PREX2: variants seen among roughly 807,000 people sequenced by gnomAD.
PREX2 encodes the protein phosphatidylinositol-3,4,5-trisphosphate dependent Rac exchange factor 2.
A neutral mutation model predicts 203.2 loss-of-function variants in PREX2; 107 were observed. The observed-to-expected ratio is 0.53, with a 90% CI of 0.45 to 0.62. PREX2 has a LOEUF of 0.62. PREX2 is among the 20% of genes least tolerant of loss of function. The pLI is 0.00. For missense variants in PREX2, 1,777 were observed against 1,955.9 expected, an observed-to-expected ratio of 0.91 and a Z score of 1.72; for synonymous variants, 672 against 663.6, an observed-to-expected ratio of 1.01 and a Z score of -0.19.
chr8:68,054,862 C>A (rs1394153477), intron 9 of PREX2, among the ~76,000 whole-genome samples: 1 of 152,202 alleles, frequency 6.6e-6, no homozygotes, highest in African/African-American at 2.4e-5. Context: ...CCCAATACAC[C>A]TCCCTGCTTC....
chr8:68,100,071 G>T (rs1421478205), intron 23 of PREX2: 1 of 656,092 alleles, frequency 1.5e-6, no homozygotes, highest in South Asian at 1.4e-5. Flanking sequence ...TCAAAATATA[G>T]TAACTGAGGC....
At chr8:68,111,726 A>G (rs1057299380) in intron 25 of PREX2, among the ~76,000 whole-genome samples, 1 of 152,180 alleles carries the variant, frequency 6.6e-6, no homozygotes, top group African/African-American at 2.4e-5. Flanking sequence ...TTAATGTGCA[A>G]TATAATCCCT....
rs1394364356 is a variant in PREX2 at position 68,039,790 on chromosome 8, GAAA to G, written c.839+1500_839+1502del. 2.0e-5 allele frequency among the ~76,000 whole-genome samples: 3 copies of G among 152,122 alleles called. No homozygotes were observed. In the East Asian group the frequency reaches 5.8e-4, roughly 30 times the overall value. The stretch of plus-strand genomic sequence containing the variant: ...TAGAAAATCTTCCTGCATCTGCATT[GAAA>G]ACTTACAAACATCTCTCCACATCTC... On this transcript the variant is annotated intron_variant, in intron 7 of 39. Coordinates refer to ENST00000288368, the MANE Select transcript of PREX2 (RefSeq NM_024870.4).
At chr8:68,037,274 A>G (rs924457084) in intron 6 of PREX2, among the ~76,000 whole-genome samples, 2 of 152,242 alleles carry the variant, frequency 1.3e-5, no homozygotes, top group African/African-American at 4.8e-5. Flanking sequence ...TGCAGAGCAC[A>G]CATATAGATC....
intron 37 of PREX2, among the ~76,000 whole-genome samples, chr8:68,197,306 C>T (rs1812417165): frequency 6.6e-6 from 1 of 152,046 alleles, no homozygotes; most frequent in Non-Finnish European, 1.5e-5. Context: ...GGCAGTTTCC[C>T]CCATGCTGTT....
In PREX2 at chr8:68,146,327, A is replaced by G; in HGVS notation, c.4206A>G (p.Lys1402=). 1 of 1,612,786 alleles carries G rather than the reference A, an allele frequency of 6.2e-7. No individual in the cohort carries two copies. The highest frequency in any genetic ancestry group is 8.5e-7 in the Non-Finnish European group (1 of 1,179,436). ...PQRLKNGGGF[K]IHPVLFAQAL... is the part of the protein sequence containing the mutation. ...GGCTGAAAAATGGAGGAGGGTTTAA[A>G]ATTCATCCTGTTCTTTTTGCACAAG... The change falls in exon 34 of 40, where the codon AAA becomes AAG. Residue 1402 remains lysine (K), a synonymous_variant. Transcript: ENST00000288368.
At chr8:67,962,391 C>T (rs1221261592) in intron 1 of PREX2, among the ~76,000 whole-genome samples, 3 of 151,962 alleles carry the variant, frequency 2.0e-5, no homozygotes, top group African/African-American at 2.4e-5. Flanking sequence ...CTATCAGTAG[C>T]ACTAGGAGAC....
At chr8:68,099,088 T>A (rs1278142411) in intron 22 of PREX2, among the ~76,000 whole-genome samples, 1 of 151,446 alleles carries the variant, frequency 6.6e-6, no homozygotes, top group African/African-American at 2.4e-5. Context: ...AACTTACTAA[T>A]TGAAAACATC....
intron 35 of PREX2, among the ~76,000 whole-genome samples, chr8:68,191,265 T>C (rs143136422): frequency 2.5e-3 from 374 of 152,322 alleles, no homozygotes; most frequent in Non-Finnish European, 4.2e-3. Context: ...CTTCGTTCCA[T>C]AATCTTTCTC....
chr8:68,160,128 G>A (rs544053154), intron 35 of PREX2, among the ~76,000 whole-genome samples: 65 of 152,230 alleles, frequency 4.3e-4, no homozygotes, highest in African/African-American at 1.4e-3. Flanking sequence ...GAACATATCA[G>A]CTCTTCAGTT....
chr8:68,153,796 C>G (rs377009705), intron 34 of PREX2, among the ~76,000 whole-genome samples: 44 of 152,206 alleles, frequency 2.9e-4, no homozygotes, highest in African/African-American at 9.9e-4. Flanking sequence ...ACACAGAATT[C>G]TTACTAAGAC....
chr8:68,192,680 C>A (rs2129614697), intron 37 of PREX2, 155 bp downstream of exon 37: 2 of 570,836 alleles, frequency 3.5e-6, no homozygotes, highest in Non-Finnish European at 5.8e-6. Context: ...GGTTTTAATT[C>A]TTGTATTTTC....
At chr8:68,127,521 A>G (rs1810918236) in intron 31 of PREX2, 102 bp downstream of exon 31, 1 of 751,220 alleles carries the variant, frequency 1.3e-6, no homozygotes, top group African/African-American at 1.8e-5. Flanking sequence ...CATTTACAAA[A>G]TAGAAATATG....
intron 1 of PREX2, among the ~76,000 whole-genome samples, chr8:67,993,201 C>A (rs1451678697): frequency 2.6e-5 from 4 of 152,052 alleles, no homozygotes; most frequent in African/African-American, 9.7e-5. Flanking sequence ...CAAGTTAAAA[C>A]CTTGCTTCAA....
chr8:67,976,683 G>A lies in PREX2; in HGVS notation c.141+24148G>A, dbSNP rs1585670418. ...CGGGAGAGAGACAGAGAGAGAGACAGGAGAGAGACAGAGAGAGAGAGACGG... is the reference window on the plus strand; with the variant it reads ...CGGGAGAGAGACAGAGAGAGAGACAAGAGAGAGACAGAGAGAGAGAGACGG... On this transcript the variant is annotated intron_variant, in intron 1 of 39. Coordinates refer to ENST00000288368, the MANE Select transcript of PREX2 (RefSeq NM_024870.4). Among the ~76,000 whole-genome samples, 2 of 65,040 alleles carry A rather than the reference G, an allele frequency of 3.1e-5. 1 individual carries two copies. The highest frequency in any genetic ancestry group is 6.4e-5 in the Non-Finnish European group (2 of 31,110). 42.7% of individuals were successfully genotyped at this position (65,040 alleles called of 152,430 possible). A position where few individuals can be genotyped will look rare whatever the true frequency, so the allele number is the denominator to read the frequency against.
intron 1 of PREX2, among the ~76,000 whole-genome samples, chr8:68,014,344 T>C (rs916001224): frequency 6.6e-6 from 1 of 152,158 alleles, no homozygotes; most frequent in Non-Finnish European, 1.5e-5. Flanking sequence ...AGCCCATAAC[T>C]AGAGTGATAT....
At chr8:68,126,521 T>G (rs1445029123) in intron 30 of PREX2, among the ~76,000 whole-genome samples, 1 of 152,148 alleles carries the variant, frequency 6.6e-6, no homozygotes, top group Non-Finnish European at 1.5e-5. Flanking sequence ...AATCCTTTTC[T>G]GCTTTCAGTC....
chr8:68,093,931 C>T (rs1295454764), intron 21 of PREX2, among the ~76,000 whole-genome samples: 3 of 152,118 alleles, frequency 2.0e-5, no homozygotes, highest in African/African-American at 7.2e-5. Context: ...TTTTTGTGGA[C>T]TATCTCACTT....
At chr8:68,092,134 A>G (rs565946681) in intron 20 of PREX2, among the ~76,000 whole-genome samples, 129 of 152,208 alleles carry the variant, frequency 8.5e-4, no homozygotes, top group African/African-American at 2.8e-3. Context: ...CCAGTCTCTA[A>G]CGGGGTTTTC....
Sources: gnomAD v4.1 joint callset for allele counts (sites outside exome capture counted in the v4.1 genomes callset) on GRCh38, gnomAD v4.1.1 for gene constraint, MANE v1.5 for transcripts, NCBI Gene and HGNC (gene_info 2026-07-23, HGNC 2026-07-21) for gene names.